DDX42: variants seen among roughly 807,000 people sequenced by gnomAD.
DDX42 encodes ATP-dependent RNA helicase DDX42.
Under a neutral mutation model 101.5 loss-of-function variants are expected in DDX42, and 22 were observed. That is an observed-to-expected ratio of 0.22 (90% confidence interval 0.15 to 0.31). The LOEUF (loss-of-function observed/expected upper bound fraction) is 0.31. DDX42 is among the 10% of genes least tolerant of loss of function. DDX42 has a pLI of 1.00. For synonymous variants in DDX42, 402 were observed against 401.2 expected (o/e 1.00, Z -0.02); for missense variants, 849 against 1,199.9 (o/e 0.71, Z 4.32).
intron 2 of DDX42, among the ~76,000 whole-genome samples, chr17:63,789,549 TTTTG>T (rs2039595109): frequency 5.2e-5 from 1 of 19,262 alleles, no homozygotes; most frequent in African/African-American, 1.0e-3. Flanking sequence ...TAAAAGACTT[TTTTG>T]TTTTTGTTTT....
chr17:63,789,546 C>CGTTTTTTTTTTTTTTTTTTTTTT lies in DDX42; in HGVS notation c.221+2276_221+2277insGTTTTTTTTTTTTTTTTTTTTTT, dbSNP rs138224520. On this transcript the variant is annotated intron_variant, in intron 2 of 17. Transcript: ENST00000389924. ...ATTGGAAAAAAAAGCTTCTAAAAGA[C>CGTTTTTTTTTTTTTTTTTTTTTT]TTTTTTGTTTTTGTTTTTGTTTTTG... is the stretch of plus-strand genomic sequence containing the variant. 3.3e-5 allele frequency among the ~76,000 whole-genome samples: 4 copies of CGTTTTTTTTTTTTTTTTTTTTTT among 121,850 alleles called. 2 individuals are homozygous for CGTTTTTTTTTTTTTTTTTTTTTT. The highest frequency in any genetic ancestry group is 1.4e-4 in the African/African-American group (4 of 29,320). 79.9% of individuals were successfully genotyped at this position (121,850 alleles called of 152,430 possible).
rs1023903224 is a variant in DDX42, at chr17:63,819,309, C to T, written c.*911C>T. On this transcript the variant is annotated 3_prime_UTR_variant, in exon 18 of 18. Transcript: ENST00000389924. Reference sequence around the variant, plus strand: ...TGCTTGCTCTCTAGTAAATGTTTTACTACCGGGACCTGTGGATCGTTTGTC... The same window carrying T: ...TGCTTGCTCTCTAGTAAATGTTTTATTACCGGGACCTGTGGATCGTTTGTC... 8.5e-5 allele frequency: 13 copies of T among 152,916 alleles called. No individual in the cohort carries two copies. The highest frequency in any genetic ancestry group is 2.9e-4 in the African/African-American group (12 of 41,388). The allele number at this position is 152,916 out of a possible 1,614,324, so 9.5% of individuals were successfully genotyped here. A position where few individuals can be genotyped will look rare whatever the true frequency, so the allele number is the denominator to read the frequency against.
rs2040003106 is a variant in DDX42, at chr17:63,818,212, A to G, written c.2631A>G (p.Ala877=). 6.2e-7 allele frequency: 1 copy of G among 1,613,972 alleles called. No homozygotes were observed. Among genetic ancestry groups the G allele is most frequent in the African/African-American group, 1.3e-5 (1 of 74,904 alleles). ...SAGRHGENRG[A]NDGRNGESRK... is the part of the protein sequence containing the mutation. The stretch of plus-strand genomic sequence containing the variant: ...GCCGGCATGGGGAGAACCGGGGTGC[A>G]AATGATGGTCGGAATGGGGAAAGCA... The change falls in exon 18 of 18, where the codon GCA becomes GCG. Residue 877 remains alanine, a synonymous_variant. Coordinates refer to ENST00000389924, the MANE Select transcript of DDX42 (RefSeq NM_203499.3).
Position 63,810,654 on chromosome 17 carries a change from C to T in DDX42, c.1300+94C>T, listed in dbSNP as rs1266107714. On this transcript the variant is annotated intron_variant, in intron 12 of 17. Transcript: ENST00000389924. The stretch of plus-strand genomic sequence containing the variant: ...TCAGAGTTATGGAAGTAAAAATGAT[C>T]TTGTGTCTGTTGGTGAGAACCATAA... 4.7e-6 allele frequency: 6 copies of T among 1,265,182 alleles called. No homozygotes were observed. In the African/African-American group the frequency reaches 5.9e-5, roughly 13 times the overall value. The allele number at this position is 1,265,182 out of a possible 1,614,324, so 78.4% of individuals were successfully genotyped here. A position where few individuals can be genotyped will look rare whatever the true frequency, so the allele number is the denominator to read the frequency against.
chr17:63,815,739 AT>A (rs1428220816), intron 16 of DDX42, 66 bp downstream of exon 16: 14 of 1,120,370 alleles, frequency 1.2e-5, no homozygotes, highest in Non-Finnish European at 1.8e-5. Flanking sequence ...CATTAGGAAT[AT>A]TCTCATCTAC....
intron 2 of DDX42, 111 bp from the exon 3 acceptor site, chr17:63,792,301 G>C: frequency 8.3e-7 from 1 of 1,204,744 alleles, no homozygotes; most frequent in Non-Finnish European, 1.2e-6. Flanking sequence ...AATTTGATCT[G>C]CATTACATCT....
chr17:63,818,429 T>C lies in DDX42; in HGVS notation c.*31T>C, dbSNP rs1287570185. On this transcript the variant is annotated 3_prime_UTR_variant, in exon 18 of 18. Coordinates refer to ENST00000389924, the MANE Select transcript of DDX42 (RefSeq NM_203499.3). The stretch of plus-strand genomic sequence containing the variant: ...ATGTGCTAAAGCGTGAAATCAGTTG[T>C]CCTTAATTTTTAGAAAGATTTTGGT... 1 of 1,581,038 alleles carries C rather than the reference T, an allele frequency of 6.3e-7. No homozygotes were observed. Among genetic ancestry groups the C allele is most frequent in the Non-Finnish European group, 8.6e-7 (1 of 1,164,396 alleles).
chr17:63,816,315 A>G (rs1246636955), intron 16 of DDX42, among the ~76,000 whole-genome samples: 4 of 152,216 alleles, frequency 2.6e-5, no homozygotes, highest in Non-Finnish European at 4.4e-5. Context: ...CATTATAATA[A>G]TAATGATGAT....
chr17:63,776,435 AGTGTTCTT>A (rs1374141260), intron 1 of DDX42: 1 of 152,246 alleles, frequency 6.6e-6, no homozygotes, highest in African/African-American at 2.4e-5. Context: ...TGACATCTTC[AGTGTTCTT>A]GTGGCGCTTA....
At chr17:63,806,313 A>T in intron 7 of DDX42, 2 of 356,222 alleles carry the variant, frequency 5.6e-6, no homozygotes, top group East Asian at 4.7e-5. Flanking sequence ...TTAAAATTGT[A>T]TGACAATTAT....
chr17:63,803,841 G>A (rs558860964), intron 6 of DDX42, among the ~76,000 whole-genome samples: 2 of 151,720 alleles, frequency 1.3e-5, no homozygotes, highest in Admixed American at 1.3e-4. Context: ...GTAGAGACGG[G>A]CTTTCACCAT....
At chr17:63,811,780 G>C in intron 13 of DDX42, 152 bp from the exon 14 acceptor site, 1 of 959,484 alleles carries the variant, frequency 1.0e-6, no homozygotes, top group Non-Finnish European at 1.6e-6. Context: ...GGAGAGGTGA[G>C]TTTTGAGCTG....
intron 2 of DDX42, among the ~76,000 whole-genome samples, chr17:63,788,641 C>T (rs368189745): frequency 4.6e-5 from 7 of 152,054 alleles, no homozygotes; most frequent in African/African-American, 1.2e-4. Flanking sequence ...TATGTTGGAA[C>T]GTCTGATAGT....
chr17:63,803,439 G>T, intron 6 of DDX42, among the ~76,000 whole-genome samples: 1 of 151,386 alleles, frequency 6.6e-6, no homozygotes, highest in East Asian at 2.0e-4. Flanking sequence ...TTGGTGGCAG[G>T]CATCAGTAAT....
At chr17:63,791,168 G>T (rs2039623264) in intron 2 of DDX42, among the ~76,000 whole-genome samples, 1 of 152,168 alleles carries the variant, frequency 6.6e-6, no homozygotes, top group African/African-American at 2.4e-5. Flanking sequence ...CTAAACAGTG[G>T]TTTAGTTTAT....
intron 6 of DDX42, among the ~76,000 whole-genome samples, chr17:63,803,617 C>G (rs984540273): frequency 2.7e-5 from 4 of 150,594 alleles, no homozygotes; most frequent in African/African-American, 4.9e-5. Flanking sequence ...AAATACTGTC[C>G]TCTCTTTTTC....
chr17:63,788,989 G>T (rs1248887676), intron 2 of DDX42, among the ~76,000 whole-genome samples: 1 of 152,046 alleles, frequency 6.6e-6, no homozygotes, highest in Non-Finnish European at 1.5e-5. Flanking sequence ...CGACCTCCCA[G>T]GCTAAAGCAG....
At chr17:63,790,741 C>T (rs1328133964) in intron 2 of DDX42, among the ~76,000 whole-genome samples, 4 of 152,100 alleles carry the variant, frequency 2.6e-5, no homozygotes, top group African/African-American at 9.7e-5. Flanking sequence ...GCCTGGGCGA[C>T]AGAGCAAGAC....
chr17:63,799,951 C>T (rs1475713596), intron 5 of DDX42, among the ~76,000 whole-genome samples: 1 of 152,226 alleles, frequency 6.6e-6, no homozygotes, highest in Non-Finnish European at 1.5e-5. Flanking sequence ...TTGATGGCCT[C>T]TGGTAACATC....
Sources: gnomAD v4.1 joint callset for allele counts (sites outside exome capture counted in the v4.1 genomes callset) on GRCh38, gnomAD v4.1.1 for gene constraint, MANE v1.5 for transcripts, NCBI Gene and HGNC (gene_info 2026-07-23, HGNC 2026-07-21) for gene names.